EXOC4: variants seen among roughly 807,000 people sequenced by gnomAD.
EXOC4 encodes SEC8-like 1.
A neutral mutation model predicts 107.2 loss-of-function variants in EXOC4; 71 were observed. The observed-to-expected ratio is 0.66, with a 90% CI of 0.55 to 0.81. The LOEUF (loss-of-function observed/expected upper bound fraction) is 0.81, where lower values mean the gene tolerates loss of function less well. Among genes scored for constraint, EXOC4 ranks in the 30% least tolerant of loss-of-function variants. EXOC4 has a pLI of 0.00. For synonymous variants in EXOC4, 456 were observed against 441.2 expected (o/e 1.03, Z -0.42); for missense variants, 1,108 against 1,189.6 (o/e 0.93, Z 1.01).
At chr7:133,717,689 A>G (rs527654675) in intron 10 of EXOC4, among the ~76,000 whole-genome samples, 15 of 152,212 alleles carry the variant, frequency 9.9e-5, no homozygotes, top group Non-Finnish European at 1.3e-4. Flanking sequence ...ACATACACAC[A>G]CAACAAGCAA....
chr7:133,900,429 G>C (rs1003039270), intron 12 of EXOC4, among the ~76,000 whole-genome samples: 1 of 152,188 alleles, frequency 6.6e-6, no homozygotes, highest in East Asian at 1.9e-4. Flanking sequence ...AGAAGAGCAC[G>C]AACAAGTGAT....
chr7:133,634,356 T>G (rs1367641744), intron 10 of EXOC4, among the ~76,000 whole-genome samples: 2 of 152,234 alleles, frequency 1.3e-5, no homozygotes, highest in Non-Finnish European at 2.9e-5. Context: ...GGCATGTCTC[T>G]TAGAGAGTAA....
intron 11 of EXOC4, among the ~76,000 whole-genome samples, chr7:133,884,162 G>T (rs1365222892): frequency 6.6e-6 from 1 of 152,190 alleles, no homozygotes; most frequent in Non-Finnish European, 1.5e-5. Context: ...CAATAGGAAA[G>T]GCACCAGGTT....
chr7:133,453,955 T>C (rs964378059), intron 7 of EXOC4, among the ~76,000 whole-genome samples: 2 of 152,152 alleles, frequency 1.3e-5, no homozygotes, highest in East Asian at 1.9e-4. Flanking sequence ...AAAGAAGAAG[T>C]GTAAGACACA....
At chr7:133,984,326 A>C (rs1244338995) in intron 14 of EXOC4, among the ~76,000 whole-genome samples, 1 of 152,182 alleles carries the variant, frequency 6.6e-6, no homozygotes, top group African/African-American at 2.4e-5. Flanking sequence ...TGTTTTGCTC[A>C]TCAGAATGAG....
intron 7 of EXOC4, among the ~76,000 whole-genome samples, chr7:133,375,674 A>G (rs1049321735): frequency 1.3e-5 from 2 of 152,194 alleles, no homozygotes; most frequent in Non-Finnish European, 2.9e-5. Flanking sequence ...TTTGTTGACT[A>G]TTTCCTTACA....
intron 10 of EXOC4, among the ~76,000 whole-genome samples, chr7:133,779,343 A>AT: frequency 6.6e-6 from 1 of 152,140 alleles, no homozygotes; most frequent in South Asian, 2.1e-4. Context: ...ACTAACTCTT[A>AT]TTTTTGCCGC....
chr7:133,696,252 T>C (rs1794531344), intron 10 of EXOC4, among the ~76,000 whole-genome samples: 1 of 152,162 alleles, frequency 6.6e-6, no homozygotes, highest in Non-Finnish European at 1.5e-5. Flanking sequence ...CTGTTGTCAA[T>C]GCAGAGATAG....
In EXOC4 at chr7:133,895,666, C is replaced by G; in HGVS notation, c.1802C>G (p.Ser601Ter). The G allele has an allele frequency of 6.2e-7, 1 of 1,613,922 alleles. No homozygotes were observed. The highest frequency in any genetic ancestry group is 8.5e-7 in the Non-Finnish European group (1 of 1,179,804). The change falls in exon 12 of 18, where the codon TCA becomes TGA. Residue 601 changes from serine to a stop codon, truncating the protein, a stop_gained. Transcript: ENST00000253861. LOFTEE classifies it high-confidence loss of function. ...CTGATGCATGACTTGAGTGCATATT[C>G]AGATCAATTCCTCAACATGGTGTGC... The part of the protein sequence containing the change: ...LNLMHDLSAY[S>*]DQFLNMVCVK...
intron 14 of EXOC4, among the ~76,000 whole-genome samples, chr7:133,971,359 TATAGAGAGAG>T (rs1220600158): frequency 8.8e-4 from 85 of 96,720 alleles, no homozygotes; most frequent in Admixed American, 1.0e-3. Context: ...TATATATATA[TATAGAGAGAG>T]AGAGAGAGAG....
At chr7:133,556,020 G>A (rs1246107251) in intron 9 of EXOC4, among the ~76,000 whole-genome samples, 2 of 152,126 alleles carry the variant, frequency 1.3e-5, no homozygotes, top group Admixed American at 1.3e-4. Context: ...TTCGTGGATT[G>A]TTTGTTGTAA....
chr7:133,532,786 A>G, intron 9 of EXOC4, among the ~76,000 whole-genome samples: 1 of 152,110 alleles, frequency 6.6e-6, no homozygotes, highest in East Asian at 1.9e-4. Flanking sequence ...CAATTCAGAT[A>G]ATTTTAGAAA....
rs1168411320 is a variant in EXOC4, at chr7:133,852,314, C to T, written c.1734+34770C>T. Among the ~76,000 whole-genome samples the T allele has an allele frequency of 2.6e-5, 4 of 151,826 alleles. No homozygotes were observed. The East Asian group carries it at 7.7e-4, about 29-fold the overall frequency. On this transcript the variant is annotated intron_variant, in intron 11 of 17. Transcript: ENST00000253861. ...CTCTGCTCACCTCAACCTCTGCCTC[C>T]CGGGTTCAAGCCATTCTCCTGCCTC...
the EXOC4 span, among the ~76,000 whole-genome samples, chr7:134,079,329 C>CA: frequency 6.6e-6 from 1 of 152,154 alleles, no homozygotes; most frequent in African/African-American, 2.4e-5. Flanking sequence ...GATCTAGAGA[C>CA]AGAGTTCTGC....
chr7:133,255,978 C>CTT (rs34708213), intron 1 of EXOC4, among the ~76,000 whole-genome samples: 71 of 144,144 alleles, frequency 4.9e-4, no homozygotes, highest in Middle Eastern at 3.6e-3. Flanking sequence ...TTCATTATTC[C>CTT]TTTTTTTTTT....
At chr7:133,785,975 G>T (rs1375280761) in intron 10 of EXOC4, among the ~76,000 whole-genome samples, 1 of 152,088 alleles carries the variant, frequency 6.6e-6, no homozygotes, top group Non-Finnish European at 1.5e-5. Flanking sequence ...GGCCAGAAAT[G>T]GACACATGTT....
intron 10 of EXOC4, among the ~76,000 whole-genome samples, chr7:133,673,998 T>C (rs973032611): frequency 2.0e-5 from 3 of 152,198 alleles, no homozygotes; most frequent in Non-Finnish European, 4.4e-5. Flanking sequence ...TGCCCTATTC[T>C]TAAGACCTAC....
At chr7:133,780,920 G>A (rs1585140248) in intron 10 of EXOC4, among the ~76,000 whole-genome samples, 1 of 152,130 alleles carries the variant, frequency 6.6e-6, no homozygotes, top group Admixed American at 6.5e-5. Context: ...GTGAGTATTT[G>A]ACCATCTAAG....
At chr7:133,656,289 CTTTCT>C (rs1803293491) in intron 10 of EXOC4, among the ~76,000 whole-genome samples, 1 of 152,036 alleles carries the variant, frequency 6.6e-6, no homozygotes, top group Non-Finnish European at 1.5e-5. Flanking sequence ...GAATATACTG[CTTTCT>C]TTTCAGCCTG....
Sources: gnomAD v4.1 joint callset for allele counts (sites outside exome capture counted in the v4.1 genomes callset) on GRCh38, gnomAD v4.1.1 for gene constraint, MANE v1.5 for transcripts, NCBI Gene and HGNC (gene_info 2026-07-23, HGNC 2026-07-21) for gene names.